Variants in LTBP1 observed in about 807,000 individuals in gnomAD.
LTBP1 encodes the protein latent transforming growth factor beta binding protein 1.
Under a neutral mutation model 207.6 loss-of-function variants are expected in LTBP1, and 129 were observed. That is an observed-to-expected ratio of 0.62 (90% CI 0.54 to 0.72). The LOEUF (loss-of-function observed/expected upper bound fraction) is 0.72. Ranked by LOEUF, LTBP1 falls within the 30% of genes least tolerant of loss-of-function variation. LTBP1 has a pLI of 0.00. For missense variants in LTBP1, 2,281 were observed against 2,217.2 expected, an observed-to-expected ratio of 1.03 and a Z score of -0.58; for synonymous variants, 963 against 833.7, an observed-to-expected ratio of 1.16 and a Z score of -2.67.
chr2:32,991,919 A>G (rs570305494), intron 2 of LTBP1, among the ~76,000 whole-genome samples: 1 of 152,278 alleles, frequency 6.6e-6, no homozygotes, highest in East Asian at 1.9e-4. Context: ...TTGAGCTTAA[A>G]TGTGATTCCT....
chr2:33,019,370 T>G (rs1178760335), intron 2 of LTBP1, among the ~76,000 whole-genome samples: 1 of 127,924 alleles, frequency 7.8e-6, no homozygotes, highest in Non-Finnish European at 1.6e-5. Context: ...CAAGTTTCCC[T>G]CTGTCATCCA....
chr2:33,071,745 C>T (rs775827057), intron 3 of LTBP1, among the ~76,000 whole-genome samples: 1 of 152,184 alleles, frequency 6.6e-6, no homozygotes, highest in Non-Finnish European at 1.5e-5. Flanking sequence ...TATCATCACA[C>T]GTGGGACATG....
At chr2:33,068,830 G>C (rs572217031) in intron 3 of LTBP1, among the ~76,000 whole-genome samples, 1 of 152,212 alleles carries the variant, frequency 6.6e-6, no homozygotes, top group Non-Finnish European at 1.5e-5. Context: ...GTGTGAAATT[G>C]TTTTCTCTCA....
rs192249289 is a variant in LTBP1, at chr2:33,188,644, T to C, written c.1494T>C (p.His498=). The C allele has an allele frequency of 5.0e-6, 8 of 1,614,136 alleles. No homozygotes were observed. The African/African-American group carries it at 6.7e-5, about 13-fold the overall frequency. Residue 498 remains histidine (H), a synonymous_variant, in exon 7 of 34, where the codon CAT becomes CAC. Transcript: ENST00000404816. ...CTCCTGAAGCTTCCGTCCAGATACATCAGGTTTCAAGAATTGATGGCCCAA... is the reference window on the plus strand; with the variant it reads ...CTCCTGAAGCTTCCGTCCAGATACACCAGGTTTCAAGAATTGATGGCCCAA... ...KHPPEASVQI[H]QVSRIDGPTG...
Position 33,188,849 on chromosome 2 carries a change from C to G in LTBP1, c.1699C>G (p.Gln567Glu). 6.2e-7 allele frequency: 1 copy of G among 1,613,874 alleles called. No homozygotes were observed. The highest frequency in any genetic ancestry group is 8.5e-7 in the Non-Finnish European group (1 of 1,179,850). ...GTGCTTCCAGGAAACCATTGGGTCA[C>G]AGGTAAACATCATCACCGAGCCTGC... ...GRCFQETIGS[Q>E]CGKALPGLSK... Residue 567 changes from glutamine (Q) to glutamate (E), a missense_variant and splice_region_variant, in exon 7 of 34, where the codon CAG (glutamine) becomes GAG (glutamate). Around this residue, in one of 3 missense-constraint regions of LTBP1, gnomAD observed 1,671 missense variants for 1,634.8 expected, o/e 1.02. Transcript: ENST00000404816.
rs568867743 is a variant in LTBP1 at position 33,176,225 on chromosome 2, A to G, written c.1202-10631A>G. 7.5e-5 allele frequency among the ~76,000 whole-genome samples: 8 copies of G among 106,746 alleles called. No homozygotes were observed. In the East Asian group the frequency reaches 1.7e-3, roughly 23 times the overall value. The allele number at this position is 106,746 out of a possible 152,430, so 70.0% of individuals were successfully genotyped here. A position where few individuals can be genotyped will look rare whatever the true frequency, so the allele number is the denominator to read the frequency against. On this transcript the variant is annotated intron_variant, in intron 5 of 33. Transcript: ENST00000404816. ...TCCAATTTTGACATGTTAATTAATTAATCTATTTATTTATTTTCTGAGATG... is the reference window on the plus strand; with the variant it reads ...TCCAATTTTGACATGTTAATTAATTGATCTATTTATTTATTTTCTGAGATG...
intron 7 of LTBP1, among the ~76,000 whole-genome samples, chr2:33,204,108 G>C (rs573009851): frequency 2.2e-4 from 33 of 152,156 alleles, no homozygotes; most frequent in African/African-American, 7.7e-4. Flanking sequence ...TGTAGTGAGA[G>C]AAGCAACATT....
chr2:33,047,889 G>T, intron 3 of LTBP1, among the ~76,000 whole-genome samples: 1 of 151,718 alleles, frequency 6.6e-6, no homozygotes. Flanking sequence ...TGTCTTTTTT[G>T]ATCTTTGTTG....
intron 3 of LTBP1, among the ~76,000 whole-genome samples, chr2:33,075,630 T>C (rs1289151297): frequency 6.6e-6 from 1 of 152,238 alleles, no homozygotes; most frequent in Non-Finnish European, 1.5e-5. Context: ...ACCGTTAAAA[T>C]GGCCTTATGC....
At chr2:32,977,827 C>T (rs1476648001) in intron 2 of LTBP1, among the ~76,000 whole-genome samples, 1 of 152,144 alleles carries the variant, frequency 6.6e-6, no homozygotes, top group Non-Finnish European at 1.5e-5. Flanking sequence ...TGATGGATCC[C>T]GGAGTAGTTT....
rs182831851 is a variant in LTBP1 at position 33,242,913 on chromosome 2, A to G, written c.1877-749A>G. 3.0e-3 allele frequency among the ~76,000 whole-genome samples: 454 copies of G among 152,198 alleles called. 13 individuals are homozygous for G. The highest frequency in any genetic ancestry group is 0.025 in the Admixed American group (375 of 15,294). ...TTTAGTATATAGCTCCCTGTTCTCA[A>G]TGAAACTGAATCCAAATGCAGCCTG... On this transcript the variant is annotated intron_variant, in intron 9 of 33. Transcript: ENST00000404816.
intron 4 of LTBP1, among the ~76,000 whole-genome samples, chr2:33,123,289 C>T (rs926443606): frequency 1.3e-5 from 2 of 152,132 alleles, no homozygotes; most frequent in Non-Finnish European, 2.9e-5. Flanking sequence ...GGATTCTTGC[C>T]CACATGGAAT....
intron 19 of LTBP1, among the ~76,000 whole-genome samples, chr2:33,282,259 A>G (rs780314842): frequency 5.9e-5 from 9 of 151,954 alleles, no homozygotes; most frequent in African/African-American, 1.2e-4. Context: ...TGTATTTCCT[A>G]TTGTTAAATG....
At chr2:33,120,392 T>G (rs1478029881) in intron 4 of LTBP1, among the ~76,000 whole-genome samples, 2 of 152,216 alleles carry the variant, frequency 1.3e-5, no homozygotes, top group East Asian at 1.9e-4. Context: ...TTTGTGTTCA[T>G]AAGTTCTTAT....
chr2:33,255,988 C>T (rs1414883591), intron 11 of LTBP1, among the ~76,000 whole-genome samples: 1 of 152,076 alleles, frequency 6.6e-6, no homozygotes, highest in African/African-American at 2.4e-5. Context: ...CACACACTGC[C>T]TTACCCTTCT....
intron 31 of LTBP1, among the ~76,000 whole-genome samples, chr2:33,385,189 G>A (rs1337754301): frequency 2.0e-5 from 3 of 152,166 alleles, no homozygotes; most frequent in African/African-American, 7.2e-5. Context: ...TTTGTGCCTT[G>A]TTTGAGAGGA....
intron 22 of LTBP1, among the ~76,000 whole-genome samples, 149 bp from the exon 23 acceptor site, chr2:33,309,280 CAAAAA>C (rs200196283): frequency 4.3e-5 from 3 of 69,494 alleles, no homozygotes; most frequent in Non-Finnish European, 6.1e-5. Flanking sequence ...GACTCCGTCT[CAAAAA>C]AAAAAAAAAA....
chr2:33,090,897 C>G (rs1448633568), intron 3 of LTBP1, among the ~76,000 whole-genome samples: 3 of 152,162 alleles, frequency 2.0e-5, no homozygotes, highest in Non-Finnish European at 4.4e-5. Context: ...GTCAGTTTTC[C>G]CTCCCCTTGG....
chr2:33,259,602 C>T lies in LTBP1; in HGVS notation c.2410C>T (p.Pro804Ser), dbSNP rs149319598. 3.6e-4 allele frequency: 577 copies of T among 1,602,240 alleles called. 1 individual carries two copies. The highest frequency in any genetic ancestry group is 2.8e-3 in the Middle Eastern group (17 of 6,018). ...VAEPEVATAPPEKEIPSLDQE... is the reference protein window; with the variant it reads ...VAEPEVATAPSEKEIPSLDQE... Reference sequence around the variant, plus strand: ...TCTGGTTTTAGTGGCAACTGCACCCCCTGAAAAGGTAATTTATTCATTGCT... The same window carrying T: ...TCTGGTTTTAGTGGCAACTGCACCCTCTGAAAAGGTAATTTATTCATTGCT... Residue 804 changes from proline to serine, a missense_variant, in exon 13 of 34, where the codon CCT becomes TCT. Pro to Ser is a moderately conservative substitution (Grantham distance 74). Transcript: ENST00000404816.
Sources: gnomAD v4.1 joint callset for allele counts (sites outside exome capture counted in the v4.1 genomes callset) on GRCh38, gnomAD v4.1.1 for gene constraint, gnomAD v4.1.1 regional missense constraint, MANE v1.5 for transcripts, NCBI Gene and HGNC (gene_info 2026-07-23, HGNC 2026-07-21) for gene names.